Variants in RIMS1 observed in about 807,000 individuals in gnomAD.
The protein encoded by RIMS1 is regulating synaptic membrane exocytosis protein 1.
RIMS1 carries 83 observed loss-of-function variants against 214.1 expected under a neutral mutation model. That is an observed-to-expected ratio of 0.39 (90% CI 0.32 to 0.47). The LOEUF (loss-of-function observed/expected upper bound fraction) is 0.47. Ranked by LOEUF, RIMS1 falls within the 20% of genes least tolerant of loss-of-function variation. RIMS1 has a pLI of 0.99. For missense variants in RIMS1, 2,050 were observed against 2,161.8 expected, an observed-to-expected ratio of 0.95 and a Z score of 1.03; for synonymous variants, 793 against 786.8, an observed-to-expected ratio of 1.01 and a Z score of -0.13.
chr6:72,243,405 A>G (rs1026699024), intron 10 of RIMS1, among the ~76,000 whole-genome samples: 4 of 151,718 alleles, frequency 2.6e-5, no homozygotes, highest in African/African-American at 7.2e-5. Context: ...CTTTTAACCA[A>G]TTTTAACTGG....
intron 29 of RIMS1, among the ~76,000 whole-genome samples, chr6:72,364,883 T>A (rs141985496): frequency 6.6e-6 from 1 of 152,362 alleles, no homozygotes; most frequent in Non-Finnish European, 1.5e-5. Context: ...GCAGAGTCAC[T>A]GACTTCTTCA....
At chr6:72,261,982 G>A (rs1482563809) in intron 19 of RIMS1, 1 of 983,896 alleles carries the variant, frequency 1.0e-6, no homozygotes, top group Non-Finnish European at 1.2e-6. Context: ...TAAAATAATG[G>A]TTTATTTACT....
At chr6:72,095,116 ATTTTTTTTTT>A (rs71540328) in intron 2 of RIMS1, among the ~76,000 whole-genome samples, 2 of 98,980 alleles carry the variant, frequency 2.0e-5, no homozygotes, top group African/African-American at 4.0e-5. Flanking sequence ...ACGCCCGACT[ATTTTTTTTTT>A]TTTTTTTTTT....
chr6:72,164,582 T>C (rs1276745078), intron 4 of RIMS1, among the ~76,000 whole-genome samples: 3 of 152,238 alleles, frequency 2.0e-5, no homozygotes, highest in African/African-American at 7.2e-5. Flanking sequence ...TCCTATATGT[T>C]GTTTTCTTTG....
At chr6:72,127,615 A>G (rs1024450644) in intron 4 of RIMS1, among the ~76,000 whole-genome samples, 2 of 152,138 alleles carry the variant, frequency 1.3e-5, no homozygotes, top group African/African-American at 4.8e-5. Flanking sequence ...TGGCTAGTAC[A>G]GACACTCTCC....
At chr6:72,208,460 T>C (rs368403048) in intron 6 of RIMS1, among the ~76,000 whole-genome samples, 37 of 152,302 alleles carry the variant, frequency 2.4e-4, no homozygotes, top group Middle Eastern at 3.4e-3. Flanking sequence ...TGCTAAGAAA[T>C]GGAGCTCAGA....
intron 2 of RIMS1, among the ~76,000 whole-genome samples, chr6:72,090,091 A>C (rs1462037918): frequency 6.6e-6 from 1 of 151,702 alleles, no homozygotes; most frequent in Non-Finnish European, 1.5e-5. Flanking sequence ...TAGTGGGTGC[A>C]GCGCACCAGC....
chr6:72,240,630 C>CTTTTTTTTTTTTTTTTTTTTTTTTTTTTT (rs11344285), intron 9 of RIMS1, among the ~76,000 whole-genome samples: 4 of 82,506 alleles, frequency 4.8e-5, no homozygotes, highest in Admixed American at 1.4e-4. Flanking sequence ...TTTCTTTTTT[C>CTTTTTTTTTTTTTTTTTTTTTTTTTTTTT]TTTTTTTTTT....
intron 3 of RIMS1, among the ~76,000 whole-genome samples, chr6:72,098,371 C>T (rs529506116): frequency 7.9e-5 from 12 of 151,696 alleles, no homozygotes; most frequent in Admixed American, 5.9e-4. Flanking sequence ...TTTGGCTCAC[C>T]GCCATCTCCA....
chr6:71,987,919 G>C (rs1404700860), intron 2 of RIMS1, among the ~76,000 whole-genome samples: 4 of 152,096 alleles, frequency 2.6e-5, no homozygotes, highest in Non-Finnish European at 5.9e-5. Flanking sequence ...ATTTTGAGTT[G>C]ATGAGAAGGC....
intron 1 of RIMS1, among the ~76,000 whole-genome samples, chr6:71,923,195 C>T (rs1436615368): frequency 6.6e-6 from 1 of 152,196 alleles, no homozygotes; most frequent in Non-Finnish European, 1.5e-5. Context: ...AGTTTCTAAA[C>T]AGTTCACAAC....
Position 72,161,600 on chromosome 6 carries a change from T to C in RIMS1, c.472-17975T>C, listed in dbSNP as rs1365505167. On this transcript the variant is annotated intron_variant, in intron 4 of 33. Transcript: ENST00000521978. ...CTGGTATGTTGTGTCTTTGTTCTCATTGGTTTCAAAGAACATCTTTATTTC... is the reference window on the plus strand; with the variant it reads ...CTGGTATGTTGTGTCTTTGTTCTCACTGGTTTCAAAGAACATCTTTATTTC... Among the ~76,000 whole-genome samples, 3 of 139,970 alleles carry C rather than the reference T, an allele frequency of 2.1e-5. 1 individual carries two copies. Among genetic ancestry groups the C allele is most frequent in the Non-Finnish European group, 4.9e-5 (3 of 61,708 alleles). The allele number at this position is 139,970 out of a possible 152,430, so 91.8% of individuals were successfully genotyped here. A position where few individuals can be genotyped will look rare whatever the true frequency, so the allele number is the denominator to read the frequency against.
At chr6:72,083,670 A>G (rs1157467258) in intron 2 of RIMS1, among the ~76,000 whole-genome samples, 5 of 152,180 alleles carry the variant, frequency 3.3e-5, no homozygotes. Context: ...ATGTCTACGT[A>G]TAATAATAAT....
At chr6:72,262,035 C>T (rs1284663014) in intron 19 of RIMS1, 1 of 984,604 alleles carries the variant, frequency 1.0e-6, no homozygotes, top group African/African-American at 1.7e-5. Context: ...GTGACTAAAG[C>T]TTCAAAAGAA....
chr6:72,186,815 A>G (rs2049179381), intron 6 of RIMS1, among the ~76,000 whole-genome samples: 1 of 149,816 alleles, frequency 6.7e-6, no homozygotes, highest in South Asian at 2.2e-4. Flanking sequence ...ACAATCTCAT[A>G]CTATATATAG....
rs780147991 is a variant in RIMS1 at position 72,251,189 on chromosome 6, A to G, written c.2545-26A>G. The G allele has an allele frequency of 2.0e-5, 31 of 1,580,000 alleles. 2 individuals carry two copies. In the South Asian group the frequency reaches 3.4e-4, roughly 17 times the overall value. On this transcript the variant is annotated intron_variant, in intron 14 of 33. Transcript: ENST00000521978. ...CATTATGTTTTGATAAAGGTACTTG[A>G]TTTAATTTGAGAATTACCCTCTCAG...
Position 72,148,705 on chromosome 6 carries a change from A to G in RIMS1, c.472-30870A>G, listed in dbSNP as rs886723787. On this transcript the variant is annotated intron_variant, in intron 4 of 33. Transcript: ENST00000521978. ...CTGTCACTAACCTTTGGGTTTGCGG[A>G]GACTTGGGTTTTTTTTTTTTTTTCT... is the stretch of plus-strand genomic sequence containing the variant. 8.6e-5 allele frequency: 30 copies of G among 350,374 alleles called. No homozygotes were observed. In the Middle Eastern group the frequency reaches 1.5e-3, roughly 18 times the overall value. The allele number at this position is 350,374 out of a possible 1,614,324, so 21.7% of individuals were successfully genotyped here. A position where few individuals can be genotyped will look rare whatever the true frequency, so the allele number is the denominator to read the frequency against.
At chr6:72,198,561 G>T (rs573066247) in intron 6 of RIMS1, among the ~76,000 whole-genome samples, 1 of 151,964 alleles carries the variant, frequency 6.6e-6, no homozygotes, top group East Asian at 1.9e-4. Context: ...CTTACAGTTA[G>T]ATAGAAGGAA....
chr6:72,091,007 G>A (rs72934870), intron 2 of RIMS1, among the ~76,000 whole-genome samples: 5 of 152,140 alleles, frequency 3.3e-5, no homozygotes, highest in Admixed American at 6.5e-5. Context: ...CGAAGGGAAC[G>A]CGTGATGGCA....
Sources: gnomAD v4.1 joint callset for allele counts (sites outside exome capture counted in the v4.1 genomes callset) on GRCh38, gnomAD v4.1.1 for gene constraint, MANE v1.5 for transcripts, NCBI Gene and HGNC (gene_info 2026-07-23, HGNC 2026-07-21) for gene names.